The following HIPK2 variants were observed in gnomAD, a reference collection of about 807,000 sequenced individuals.
HIPK2 encodes homeodomain-interacting protein kinase 2.
Under a neutral mutation model 113.7 loss-of-function variants are expected in HIPK2, and 27 were observed. The ratio of observed to expected loss-of-function variants is 0.24; its 90% CI spans 0.17 to 0.33. The LOEUF is 0.33. HIPK2 is among the 10% of genes least tolerant of loss of function. The probability of loss-of-function intolerance (pLI) is 1.00; values close to 1 mark genes in which losing one functional copy is unlikely to be tolerated. For synonymous variants in HIPK2, 631 were observed against 642.2 expected, an observed-to-expected ratio of 0.98 and a Z score of 0.26; for missense variants, 1,257 against 1,588.0, an observed-to-expected ratio of 0.79 and a Z score of 3.54.
intron 9 of HIPK2, 51 bp from the exon 10 acceptor site, chr7:139,604,274 G>A: frequency 6.4e-7 from 1 of 1,561,008 alleles, no homozygotes; most frequent in Non-Finnish European, 8.7e-7. Flanking sequence ...TCACATAATT[G>A]ATTTGCATGA....
intron 2 of HIPK2, among the ~76,000 whole-genome samples, chr7:139,665,968 T>TA (rs11462516): frequency 1.8e-4 from 26 of 147,360 alleles, no homozygotes; most frequent in African/African-American, 6.5e-4. Context: ...TTTTTTTTTT[T>TA]AAACACTGAG....
intron 2 of HIPK2, among the ~76,000 whole-genome samples, chr7:139,677,195 A>T (rs565899648): frequency 6.8e-6 from 1 of 146,714 alleles, no homozygotes; most frequent in Non-Finnish European, 1.5e-5. Flanking sequence ...ATGTGTGTGT[A>T]TGTGTGTGTG....
chr7:139,695,734 A>G (rs1794543525), intron 2 of HIPK2, among the ~76,000 whole-genome samples: 1 of 152,232 alleles, frequency 6.6e-6, no homozygotes, highest in African/African-American at 2.4e-5. Context: ...TCTGCCAAAG[A>G]TGTTTTGGAC....
At chr7:139,614,548 G>C in intron 7 of HIPK2, 55 bp from the exon 8 acceptor site, 6,296 of 748,358 alleles carry the variant, frequency 8.4e-3, no homozygotes, top group Non-Finnish European at 0.011. Flanking sequence ...AATGAGGGAG[G>C]TGGCATGTTG....
intron 1 of HIPK2, among the ~76,000 whole-genome samples, chr7:139,734,155 G>A (rs1262867063): frequency 4.6e-5 from 7 of 152,174 alleles, no homozygotes; most frequent in African/African-American, 7.2e-5. Context: ...TAAAGACAAC[G>A]TTAAAATTCC....
In HIPK2 at chr7:139,716,348, G is replaced by T; in HGVS notation, c.687C>A (p.Ile229=). The change falls in exon 2 of 15, where the codon ATC becomes ATA. Residue 229 remains isoleucine (I), a synonymous_variant. Transcript: ENST00000406875. This position sits in a 1 kb window ranked among gnomAD's most constrained non-coding sequence, Gnocchi z 9.3. ...GGGCATAGGATGGGTGGTTCTTCAGGATCTTGATGGCTACGATCTCATTGG... is the reference window on the plus strand; with the variant it reads ...GGGCATAGGATGGGTGGTTCTTCAGTATCTTGATGGCTACGATCTCATTGG... The part of the protein sequence containing the change: ...RGTNEIVAIK[I]LKNHPSYARQ... 2 of 1,614,118 alleles carry T rather than the reference G, an allele frequency of 1.2e-6. No homozygotes were observed. Among genetic ancestry groups the T allele is most frequent in the South Asian group, 1.1e-5 (1 of 91,074 alleles).
intron 1 of HIPK2, among the ~76,000 whole-genome samples, chr7:139,738,395 CAT>C (rs1389503087): frequency 2.0e-5 from 3 of 152,260 alleles, no homozygotes; most frequent in South Asian, 2.1e-4. Context: ...TGCAGCCACA[CAT>C]GTGTCTATGC....
At chr7:139,763,474 C>CCCA (rs1554459002) in intron 1 of HIPK2, among the ~76,000 whole-genome samples, 2,975 of 121,704 alleles carry the variant, frequency 0.024, 170 homozygotes, top group African/African-American at 0.099. Context: ...CGGAACACGC[C>CCCA]CCCCCCCCCA....
intron 1 of HIPK2, among the ~76,000 whole-genome samples, chr7:139,737,974 T>G (rs1381721303): frequency 6.6e-6 from 1 of 152,206 alleles, no homozygotes; most frequent in Non-Finnish European, 1.5e-5. Context: ...AAATTCAACC[T>G]GGGCTCCAGG....
At position 139,604,221 on chromosome 7, in the gene HIPK2, C is replaced by G; in HGVS notation, c.2115G>C (p.Gln705His). ...TCTGCTGGGTCCCACTTGGCCAAGC[C>G]TGCTGTAGAACACAGGACATGTGCA... The part of the protein sequence containing the change: ...LQIQPGLLAQ[Q>H]AWPSGTQQIL... Residue 705 changes from glutamine to histidine, a missense_variant and splice_region_variant, in exon 10 of 15, where the codon CAG becomes CAC. Transcript: ENST00000406875. 1 of 1,609,870 alleles carries G rather than the reference C, an allele frequency of 6.2e-7. No homozygotes were observed. The highest frequency in any genetic ancestry group is 8.5e-7 in the Non-Finnish European group (1 of 1,177,608).
At chr7:139,584,146 G>A in intron 12 of HIPK2, 82 bp from the exon 13 acceptor site, 5 of 1,511,914 alleles carry the variant, frequency 3.3e-6, no homozygotes, top group South Asian at 1.3e-5. Flanking sequence ...CCCTGGGGCA[G>A]GGGAGGGAGG....
chr7:139,694,413 C>T (rs906633260), intron 2 of HIPK2, among the ~76,000 whole-genome samples: 22 of 151,922 alleles, frequency 1.4e-4, no homozygotes, highest in Admixed American at 6.5e-4. Flanking sequence ...CCCAGCAACA[C>T]ACGGCTCAGA....
At position 139,561,912 on chromosome 7, in the gene HIPK2, GATTA is replaced by G. The variant is rs943388912; in HGVS notation, c.*11011_*11014del. 3.3e-5 allele frequency: 5 copies of G among 152,284 alleles called. No homozygotes were observed. Among genetic ancestry groups the G allele is most frequent in the Non-Finnish European group, 5.9e-5 (4 of 68,024 alleles). The allele number at this position is 152,284 out of a possible 1,614,324, so 9.4% of individuals were successfully genotyped here. On this transcript the variant is annotated 3_prime_UTR_variant, in exon 15 of 15. Transcript: ENST00000406875. ...CACTCCATTTTTCTACAACGAAAAT[GATTA>G]ATTTAGAAGCACACGACGTCATGAT...
At chr7:139,656,032 C>T (rs2116508756) in intron 2 of HIPK2, among the ~76,000 whole-genome samples, 1 of 152,288 alleles carries the variant, frequency 6.6e-6, no homozygotes, top group South Asian at 2.1e-4. Flanking sequence ...AACTCGCTTT[C>T]CAAGTCCCCT....
intron 12 of HIPK2, among the ~76,000 whole-genome samples, chr7:139,587,750 C>T (rs1798885444): frequency 6.6e-6 from 1 of 151,990 alleles, no homozygotes; most frequent in Non-Finnish European, 1.5e-5. Context: ...TGGTGGTGTG[C>T]ACCTATAGTC....
intron 7 of HIPK2, among the ~76,000 whole-genome samples, chr7:139,615,269 G>T (rs1799998489): frequency 6.6e-6 from 1 of 152,238 alleles, no homozygotes; most frequent in Non-Finnish European, 1.5e-5. Context: ...GAGAAGTACA[G>T]GAGATGTATG....
At chr7:139,769,997 G>A (rs1796619062) in intron 1 of HIPK2, among the ~76,000 whole-genome samples, 1 of 152,198 alleles carries the variant, frequency 6.6e-6, no homozygotes, top group Non-Finnish European at 1.5e-5. Flanking sequence ...AAGCACGTGT[G>A]CATTCTCTCT....
intron 11 of HIPK2, among the ~76,000 whole-genome samples, chr7:139,597,549 A>G (rs142423474): frequency 6.6e-6 from 1 of 152,316 alleles, no homozygotes; most frequent in African/African-American, 2.4e-5. Flanking sequence ...CCAGTGGTTC[A>G]GTTTTCCTTC....
intron 13 of HIPK2, among the ~76,000 whole-genome samples, chr7:139,582,161 C>T (rs1798688623): frequency 1.3e-5 from 2 of 152,162 alleles, no homozygotes; most frequent in South Asian, 2.1e-4. Flanking sequence ...AGAGAGATGT[C>T]CTTGTAGCCT....
Sources: gnomAD v4.1 joint callset for allele counts (sites outside exome capture counted in the v4.1 genomes callset) on GRCh38, gnomAD v4.1.1 for gene constraint, Gnocchi (gnomAD v3.1) non-coding constraint, MANE v1.5 for transcripts, NCBI Gene and HGNC (gene_info 2026-07-23, HGNC 2026-07-21) for gene names.